Variants in ARK2N observed in about 807,000 individuals in gnomAD.
ARK2N encodes protein ARK2N.
At chr18:46,235,210 A>G in the ARK2N span, among the ~76,000 whole-genome samples, 2 of 152,230 alleles carry the variant, frequency 1.3e-5, no homozygotes, top group South Asian at 2.1e-4. Context: ...ACATTTTTCT[A>G]TGAATACACG....
At chr18:46,261,963 A>G in the ARK2N span, among the ~76,000 whole-genome samples, 1 of 152,132 alleles carries the variant, frequency 6.6e-6, no homozygotes, top group Non-Finnish European at 1.5e-5. Context: ...GCCCAGCATT[A>G]TTTGTTGCTT....
At chr18:46,210,846 G>A in the ARK2N span, among the ~76,000 whole-genome samples, 2 of 151,892 alleles carry the variant, frequency 1.3e-5, no homozygotes, top group African/African-American at 4.8e-5. Context: ...AGGAGGCAGA[G>A]GTTACAGTGA....
chr18:46,211,988 A>C, the ARK2N span, among the ~76,000 whole-genome samples: 1 of 152,184 alleles, frequency 6.6e-6, no homozygotes. Context: ...GGTTGTATGG[A>C]AAGATTAATC....
the ARK2N span, among the ~76,000 whole-genome samples, chr18:46,225,745 C>T: frequency 2.0e-5 from 3 of 152,266 alleles, no homozygotes; most frequent in East Asian, 5.8e-4. Flanking sequence ...CAGGCTTGAG[C>T]CACCGAGCCC....
At chr18:46,198,431 A>G in the ARK2N span, among the ~76,000 whole-genome samples, 3 of 152,070 alleles carry the variant, frequency 2.0e-5, no homozygotes, top group African/African-American at 7.2e-5. Flanking sequence ...GAACTATGAG[A>G]CAATATTATA....
At chr18:46,184,335 G>T in the ARK2N span, among the ~76,000 whole-genome samples, 1 of 152,158 alleles carries the variant, frequency 6.6e-6, no homozygotes, top group African/African-American at 2.4e-5. Flanking sequence ...TGTTGGCTAG[G>T]CTGGTCTCGA....
the ARK2N span, among the ~76,000 whole-genome samples, chr18:46,252,337 C>T: frequency 3.3e-5 from 5 of 151,872 alleles, no homozygotes; most frequent in East Asian, 3.9e-4. Flanking sequence ...AGTGCAGTGG[C>T]GCGATCTCGA....
chr18:46,238,178 A>G, the ARK2N span, among the ~76,000 whole-genome samples: 4 of 152,146 alleles, frequency 2.6e-5, no homozygotes, highest in African/African-American at 7.2e-5. Flanking sequence ...TGTTGCCTCA[A>G]TTTGGGGGTA....
chr18:46,229,387 G>T, the ARK2N span, among the ~76,000 whole-genome samples: 527 of 152,136 alleles, frequency 3.5e-3, 4 homozygotes, highest in African/African-American at 0.012. Flanking sequence ...TCGCTCTGTC[G>T]TCCAGGCTGG....
the ARK2N span, chr18:46,216,214 G>C: frequency 6.2e-7 from 1 of 1,613,772 alleles, no homozygotes; most frequent in Non-Finnish European, 8.5e-7. The surrounding 1 kb of genome is among the most constrained non-coding windows in gnomAD (Gnocchi z 4.3). Context: ...GTTGTCTTCC[G>C]CAGAAGAGAA....
chr18:46,262,863 T>G, the ARK2N span: 1 of 1,495,732 alleles, frequency 6.7e-7, no homozygotes, highest in South Asian at 1.2e-5. Flanking sequence ...ACAACTGAGG[T>G]CATATTGTCT....
the ARK2N span, among the ~76,000 whole-genome samples, chr18:46,192,644 G>C: frequency 7.3e-5 from 11 of 151,152 alleles, no homozygotes; most frequent in Non-Finnish European, 2.9e-5. Context: ...TCGTCTCACT[G>C]CATTCTCTGC....
the ARK2N span, among the ~76,000 whole-genome samples, chr18:46,193,915 A>T: frequency 6.6e-6 from 1 of 152,008 alleles, no homozygotes; most frequent in African/African-American, 2.4e-5. Flanking sequence ...CTTATATTGT[A>T]GTGGATATTT....
chr18:46,191,340 GTTTAT>G, the ARK2N span, among the ~76,000 whole-genome samples: 1 of 151,210 alleles, frequency 6.6e-6, no homozygotes, highest in Admixed American at 6.6e-5. Context: ...ATTATTTATT[GTTTAT>G]TTAATTTTTT....
At chr18:46,236,355 G>T in the ARK2N span, among the ~76,000 whole-genome samples, 4 of 152,156 alleles carry the variant, frequency 2.6e-5, no homozygotes, top group African/African-American at 4.8e-5. Context: ...TGTTGTGATT[G>T]TAACAGCAAA....
the ARK2N span, chr18:46,263,752 A>G: frequency 2.6e-5 from 4 of 152,658 alleles, no homozygotes; most frequent in African/African-American, 4.8e-5. Flanking sequence ...GTTTATAAAT[A>G]CTACTAAGGT....
At chr18:46,186,264 C>T in the ARK2N span, among the ~76,000 whole-genome samples, 1 of 150,864 alleles carries the variant, frequency 6.6e-6, no homozygotes. Flanking sequence ...GGTGCTATCT[C>T]GGCTCACTGC....
the ARK2N span, chr18:46,174,075 G>A: frequency 6.6e-6 from 1 of 151,600 alleles, no homozygotes; most frequent in Non-Finnish European, 1.5e-5. Context: ...ACATTTTCTT[G>A]GGGGCGGCGC....
the ARK2N span, among the ~76,000 whole-genome samples, chr18:46,200,765 G>T: frequency 6.6e-6 from 1 of 151,546 alleles, no homozygotes; most frequent in South Asian, 2.1e-4. Flanking sequence ...CATTGTCCCT[G>T]CTCATTTTGA....
Sources: gnomAD v4.1 joint callset for allele counts (sites outside exome capture counted in the v4.1 genomes callset) on GRCh38, gnomAD v4.1.1 for gene constraint, Gnocchi (gnomAD v3.1) non-coding constraint, MANE v1.5 for transcripts, NCBI Gene and HGNC (gene_info 2026-07-23, HGNC 2026-07-21) for gene names.